The following XPR1 variants were observed in gnomAD, a reference collection of about 807,000 sequenced individuals.
The protein encoded by XPR1 is xenotropic and polytropic retrovirus receptor 1, also known as solute carrier family 53 member 1.
XPR1 carries 28 observed loss-of-function variants against 87.5 expected under a neutral mutation model. That is an observed-to-expected ratio of 0.32 (90% CI 0.24 to 0.44). The LOEUF (loss-of-function observed/expected upper bound fraction) is 0.44, where lower values mean the gene tolerates loss of function less well. Among genes scored for constraint, XPR1 ranks in the 20% least tolerant of loss-of-function variants. The pLI is 1.00. For synonymous variants in XPR1, 300 were observed against 306.1 expected, an observed-to-expected ratio of 0.98 and a Z score of 0.21; for missense variants, 559 against 862.3, an observed-to-expected ratio of 0.65 and a Z score of 4.41.
At chr1:180,824,495 C>T (rs1182073265) in intron 7 of XPR1, among the ~76,000 whole-genome samples, 4 of 151,980 alleles carry the variant, frequency 2.6e-5, no homozygotes, top group African/African-American at 4.8e-5. Context: ...GCAGGAGAAT[C>T]GCTTGAACCA....
rs1284975368 is a variant in XPR1 at position 180,842,054 on chromosome 1, TG to T, written c.1501+5340del. Among the ~76,000 whole-genome samples, 10 of 152,308 alleles carry T rather than the reference TG, an allele frequency of 6.6e-5. No individual in the cohort carries two copies. The East Asian group carries it at 1.9e-3, about 29-fold the overall frequency. ...CCAAGAGAAAAGGCACTAGAAAACATGGACTTTAGAAATAATCATTAAGCCA... is the reference window on the plus strand; with the variant it reads ...CCAAGAGAAAAGGCACTAGAAAACATGACTTTAGAAATAATCATTAAGCCA... On this transcript the variant is annotated intron_variant, in intron 11 of 14. Coordinates refer to ENST00000367590, the MANE Select transcript of XPR1 (RefSeq NM_004736.4).
In XPR1 at chr1:180,659,322, GTCTT is replaced by G. The variant is rs1422450769; in HGVS notation, c.70-23037_70-23034del. 3.0e-5 allele frequency among the ~76,000 whole-genome samples: 4 copies of G among 131,566 alleles called. No individual in the cohort carries two copies. In the East Asian group the frequency reaches 1.0e-3, roughly 33 times the overall value. 86.3% of individuals were successfully genotyped at this position (131,566 alleles called of 152,430 possible). A position where few individuals can be genotyped will look rare whatever the true frequency, so the allele number is the denominator to read the frequency against. On this transcript the variant is annotated intron_variant, in intron 1 of 14. Transcript: ENST00000367590. ...CACTAGGGATATTGGCCTGTAGTCT[GTCTT>G]CCTTCCTTCCTTCCGTCCTTCCTTC...
chr1:180,839,509 T>A (rs1256461117), intron 11 of XPR1, among the ~76,000 whole-genome samples: 2 of 151,540 alleles, frequency 1.3e-5, no homozygotes, highest in Non-Finnish European at 1.5e-5. Flanking sequence ...TTGCAAAAAA[T>A]CTGGAACTTC....
chr1:180,799,143 A>T (rs12077610), intron 3 of XPR1, among the ~76,000 whole-genome samples: 2 of 152,146 alleles, frequency 1.3e-5, no homozygotes, highest in African/African-American at 4.8e-5. Flanking sequence ...TCATCTTCCA[A>T]TTCAGTAGAA....
chr1:180,667,928 A>G (rs1318765669), intron 1 of XPR1, among the ~76,000 whole-genome samples: 7 of 151,970 alleles, frequency 4.6e-5, no homozygotes, highest in African/African-American at 7.3e-5. Context: ...ATCAGTAGTA[A>G]TGTCCTTACT....
intron 11 of XPR1, among the ~76,000 whole-genome samples, chr1:180,845,126 G>T (rs1651634218): frequency 6.6e-6 from 1 of 152,052 alleles, no homozygotes; most frequent in Non-Finnish European, 1.5e-5. Context: ...TTCCACTTTG[G>T]TAATAAAAAC....
At chr1:180,819,484 C>G (rs766483900) in intron 7 of XPR1, among the ~76,000 whole-genome samples, 6 of 152,048 alleles carry the variant, frequency 3.9e-5, no homozygotes, top group Non-Finnish European at 7.4e-5. Flanking sequence ...CCTATGTTAT[C>G]AAGTAGAACT....
rs571992353 is a variant in XPR1 at position 180,761,809 on chromosome 1, G to A, written c.122-25944G>A. On this transcript the variant is annotated intron_variant, in intron 2 of 14. Transcript: ENST00000367590. ...GGATTATAAATCATGCTGCTATAAA[G>A]ACACATGCACACGTATGTTTATAGC... 1.2e-3 allele frequency among the ~76,000 whole-genome samples: 177 copies of A among 152,248 alleles called. 1 individual carries two copies. The highest frequency in any genetic ancestry group is 3.7e-3 in the African/African-American group (154 of 41,558).
At chr1:180,784,601 T>G (rs186891944) in intron 2 of XPR1, among the ~76,000 whole-genome samples, 84 of 152,170 alleles carry the variant, frequency 5.5e-4, no homozygotes, top group Non-Finnish European at 1.1e-3. Flanking sequence ...GTGTTTTGTG[T>G]AATATTAAGA....
chr1:180,814,057 T>A (rs1650317639), intron 7 of XPR1, among the ~76,000 whole-genome samples: 1 of 152,208 alleles, frequency 6.6e-6, no homozygotes, highest in African/African-American at 2.4e-5. Context: ...TCCCAACACA[T>A]TGTCAAGTTT....
At position 180,886,118 on chromosome 1, in the gene XPR1, TTA is replaced by T. The variant is rs1181635748; in HGVS notation, c.*2055_*2056del. The T allele has an allele frequency of 3.3e-5, 5 of 152,212 alleles. No individual in the cohort carries two copies. Among genetic ancestry groups the T allele is most frequent in the African/African-American group, 9.7e-5 (4 of 41,448 alleles). The allele number at this position is 152,212 out of a possible 1,614,324, so 9.4% of individuals were successfully genotyped here. A position where few individuals can be genotyped will look rare whatever the true frequency, so the allele number is the denominator to read the frequency against. ...TTTTAGTTTAAATAAATTGAATCATTTATAATAATCAGTGTTAACAATTTAGT... is the reference window on the plus strand; with the variant it reads ...TTTTAGTTTAAATAAATTGAATCATTTAATAATCAGTGTTAACAATTTAGT... On this transcript the variant is annotated 3_prime_UTR_variant, in exon 15 of 15. Transcript: ENST00000367590.
At chr1:180,642,481 T>A (rs1654991271) in intron 1 of XPR1, among the ~76,000 whole-genome samples, 2 of 152,070 alleles carry the variant, frequency 1.3e-5, no homozygotes, top group Admixed American at 6.6e-5. Context: ...GTTTGTTGAG[T>A]GCTCTAGTGT....
chr1:180,806,454 GTAA>G lies in XPR1; in HGVS notation c.598-15_598-13del, dbSNP rs1558017277. 1 of 1,610,902 alleles carries G rather than the reference GTAA, an allele frequency of 6.2e-7. No homozygotes were observed. The highest frequency in any genetic ancestry group is 1.1e-5 in the South Asian group (1 of 90,648). ...AAGTTTAGTATAACCTAACCAAAAT[GTAA>G]TAATTTGTCTTTCTAGGCTGTAGTG... On this transcript the variant is annotated splice_polypyrimidine_tract_variant and intron_variant, in intron 5 of 14. Coordinates refer to ENST00000367590, the MANE Select transcript of XPR1 (RefSeq NM_004736.4).
intron 2 of XPR1, among the ~76,000 whole-genome samples, chr1:180,693,355 T>C (rs1247171630): frequency 6.6e-6 from 1 of 152,224 alleles, no homozygotes; most frequent in Non-Finnish European, 1.5e-5. Context: ...AGTAGTGGTT[T>C]TCCAGTATTA....
At chr1:180,777,181 G>T (rs1225721738) in intron 2 of XPR1, among the ~76,000 whole-genome samples, 1 of 152,132 alleles carries the variant, frequency 6.6e-6, no homozygotes, top group Non-Finnish European at 1.5e-5. Context: ...TTTACCTCCA[G>T]AATATCTTTT....
intron 7 of XPR1, among the ~76,000 whole-genome samples, chr1:180,823,702 G>A (rs982352486): frequency 5.3e-5 from 8 of 152,140 alleles, no homozygotes; most frequent in Admixed American, 3.9e-4. Flanking sequence ...ACATTTGTGT[G>A]GACATAATGG....
chr1:180,814,134 T>C (rs12085100), intron 7 of XPR1, among the ~76,000 whole-genome samples: 2,163 of 152,310 alleles, frequency 0.014, 39 homozygotes, highest in African/African-American at 0.049. Flanking sequence ...CTTAAGACTA[T>C]CAATTGTATA....
intron 2 of XPR1, among the ~76,000 whole-genome samples, chr1:180,726,812 T>G (rs1191607860): frequency 6.6e-6 from 1 of 152,212 alleles, no homozygotes; most frequent in African/African-American, 2.4e-5. Flanking sequence ...TCATTTATGT[T>G]AACATGTAAT....
intron 2 of XPR1, among the ~76,000 whole-genome samples, chr1:180,727,730 G>A (rs971745137): frequency 1.1e-4 from 16 of 152,320 alleles, no homozygotes; most frequent in African/African-American, 3.8e-4. Flanking sequence ...GCATACTCAA[G>A]GGCTGCTGGT....
Sources: gnomAD v4.1 joint callset for allele counts (sites outside exome capture counted in the v4.1 genomes callset) on GRCh38, gnomAD v4.1.1 for gene constraint, MANE v1.5 for transcripts, NCBI Gene and HGNC (gene_info 2026-07-23, HGNC 2026-07-21) for gene names.